AP3S1: variants seen among roughly 807,000 people sequenced by gnomAD.
AP3S1 encodes the protein AP-3 complex subunit sigma-1.
A neutral mutation model predicts 21.3 loss-of-function variants in AP3S1; 12 were observed. The observed-to-expected ratio is 0.56, with a 90% confidence interval of 0.36 to 0.91. AP3S1 has a LOEUF of 0.91. AP3S1 is among the 40% of genes least tolerant of loss of function. AP3S1 has a pLI of 0.01. For missense variants in AP3S1, 116 were observed against 225.0 expected (o/e 0.52, Z 3.10); for synonymous variants, 48 against 78.4 (o/e 0.61, Z 2.05).
At position 115,872,897 on chromosome 5, in the gene AP3S1, C is replaced by G. The variant is rs141529840; in HGVS notation, c.273+2769C>G. 5.0e-3 allele frequency among the ~76,000 whole-genome samples: 768 copies of G among 152,274 alleles called. 2 individuals are homozygous for G. Among genetic ancestry groups the G allele is most frequent in the South Asian group, 7.3e-3 (35 of 4,826 alleles). ...AAAAATTAATATAGAACCATGCTTT[C>G]TATTTCTCTGTTTCCCATGACTGAA... On this transcript the variant is annotated intron_variant, in intron 3 of 5. Transcript: ENST00000316788.
chr5:115,879,986 A>G (rs888162544), intron 3 of AP3S1, among the ~76,000 whole-genome samples: 37 of 152,004 alleles, frequency 2.4e-4, no homozygotes, highest in African/African-American at 8.0e-4. Context: ...TTTCTAGTTT[A>G]TTTGCGTAGA....
At chr5:115,853,098 C>T (rs1762557773) in intron 1 of AP3S1, 1 of 431,904 alleles carries the variant, frequency 2.3e-6, no homozygotes, top group Non-Finnish European at 4.6e-6. Context: ...CCAACAATGT[C>T]TGAGGGCTCC....
At chr5:115,842,951 C>T (rs544620809) in intron 1 of AP3S1, among the ~76,000 whole-genome samples, 2 of 150,220 alleles carry the variant, frequency 1.3e-5, no homozygotes, top group African/African-American at 5.0e-5. Flanking sequence ...TAGTTTTTTT[C>T]TATTTATGAA....
intron 5 of AP3S1, chr5:115,903,705 C>T (rs1220194658): frequency 1.3e-5 from 2 of 152,140 alleles, no homozygotes; most frequent in Non-Finnish European, 2.9e-5. Flanking sequence ...TTGTATAAAA[C>T]CCTACTTCAG....
At chr5:115,891,180 C>CA in intron 3 of AP3S1, among the ~76,000 whole-genome samples, 1 of 152,040 alleles carries the variant, frequency 6.6e-6, no homozygotes. Flanking sequence ...TTTTACCTAC[C>CA]AAAAAATTAA....
chr5:115,877,835 T>C (rs957991644), intron 3 of AP3S1, among the ~76,000 whole-genome samples: 1 of 152,212 alleles, frequency 6.6e-6, no homozygotes, highest in African/African-American at 2.4e-5. Context: ...AAAGCGTTCC[T>C]GTTTCTTCAC....
chr5:115,905,462 T>A (rs1003457790), intron 5 of AP3S1, among the ~76,000 whole-genome samples: 5 of 152,212 alleles, frequency 3.3e-5, no homozygotes, highest in African/African-American at 1.2e-4. Flanking sequence ...CTTTTGTCTT[T>A]TACAAGAAAG....
At chr5:115,879,858 AT>A (rs1412446125) in intron 3 of AP3S1, among the ~76,000 whole-genome samples, 1 of 152,112 alleles carries the variant, frequency 6.6e-6, no homozygotes, top group Non-Finnish European at 1.5e-5. Flanking sequence ...TTGTTAGGCT[AT>A]TAATTACTGC....
At chr5:115,882,194 A>G (rs1244776389) in intron 3 of AP3S1, among the ~76,000 whole-genome samples, 1 of 151,972 alleles carries the variant, frequency 6.6e-6, no homozygotes, top group Non-Finnish European at 1.5e-5. Context: ...TCTGAAGCCT[A>G]CTTCTGTCAA....
At position 115,913,830 on chromosome 5, in the gene AP3S1, TG is replaced by T. The variant is rs1752302023; in HGVS notation, c.*342del. 4.7e-6 allele frequency: 1 copy of T among 212,744 alleles called. No homozygotes were observed. Among genetic ancestry groups the T allele is most frequent in the African/African-American group, 2.3e-5 (1 of 43,222 alleles). 13.2% of individuals were successfully genotyped at this position (212,744 alleles called of 1,614,324 possible). A position where few individuals can be genotyped will look rare whatever the true frequency, so the allele number is the denominator to read the frequency against. On this transcript the variant is annotated 3_prime_UTR_variant, in exon 6 of 6. Coordinates refer to ENST00000316788, the MANE Select transcript of AP3S1 (RefSeq NM_001284.4). ...TCTAATTATGTACAACCTAAAATGTTGGTGTTTTGTATGGATCACAAGTGCA... is the reference window on the plus strand; with the variant it reads ...TCTAATTATGTACAACCTAAAATGTTGTGTTTTGTATGGATCACAAGTGCA...
At chr5:115,844,451 A>G (rs1196375873) in intron 1 of AP3S1, among the ~76,000 whole-genome samples, 1 of 152,236 alleles carries the variant, frequency 6.6e-6, no homozygotes, top group African/African-American at 2.4e-5. Flanking sequence ...AGAAGGTGGC[A>G]TTTGAGCAAA....
chr5:115,857,832 C>T (rs756896541), intron 1 of AP3S1, among the ~76,000 whole-genome samples: 2 of 152,154 alleles, frequency 1.3e-5, no homozygotes, highest in South Asian at 2.1e-4. Flanking sequence ...TTGATGTTTA[C>T]GTTAATTTAT....
At chr5:115,846,585 A>G (rs1027480246) in intron 1 of AP3S1, among the ~76,000 whole-genome samples, 4 of 151,042 alleles carry the variant, frequency 2.6e-5, no homozygotes, top group African/African-American at 9.7e-5. Flanking sequence ...ATCTTAACAT[A>G]AAAATACAAA....
chr5:115,846,042 A>G (rs1442947804), intron 1 of AP3S1, among the ~76,000 whole-genome samples: 1 of 152,068 alleles, frequency 6.6e-6, no homozygotes, highest in East Asian at 1.9e-4. Flanking sequence ...ACCTGACAGT[A>G]TTTGTGCATT....
At chr5:115,871,278 A>G (rs1290192615) in intron 3 of AP3S1, among the ~76,000 whole-genome samples, 2 of 152,150 alleles carry the variant, frequency 1.3e-5, no homozygotes, top group Non-Finnish European at 2.9e-5. Context: ...TTGTCTCCTA[A>G]TAGATTTTGG....
chr5:115,887,777 G>A (rs1032362926), intron 3 of AP3S1, among the ~76,000 whole-genome samples: 4 of 152,166 alleles, frequency 2.6e-5, no homozygotes, highest in African/African-American at 9.6e-5. Context: ...GTATACACAT[G>A]CTAAAGTTTG....
At chr5:115,846,283 A>T (rs1762058247) in intron 1 of AP3S1, among the ~76,000 whole-genome samples, 1 of 152,224 alleles carries the variant, frequency 6.6e-6, no homozygotes, top group African/African-American at 2.4e-5. Flanking sequence ...TGCTGGGATG[A>T]CAGATCTGAG....
chr5:115,847,713 A>G (rs1762163694), intron 1 of AP3S1, among the ~76,000 whole-genome samples: 1 of 152,350 alleles, frequency 6.6e-6, no homozygotes, highest in South Asian at 2.1e-4. Context: ...GTATATGTAT[A>G]TATTGTGAAA....
At chr5:115,880,200 C>T (rs1749148410) in intron 3 of AP3S1, among the ~76,000 whole-genome samples, 1 of 152,134 alleles carries the variant, frequency 6.6e-6, no homozygotes, top group South Asian at 2.1e-4. Flanking sequence ...GTCTCTGTCT[C>T]CTTCAGTTCT....
Sources: allele counts gnomAD v4.1 joint callset (sites outside exome capture counted in the v4.1 genomes callset), GRCh38; gene constraint gnomAD v4.1.1; transcripts MANE v1.5; gene names NCBI Gene and HGNC (gene_info 2026-07-23, HGNC 2026-07-21).